NCKAP5: variants seen among roughly 807,000 people sequenced by gnomAD.
The protein encoded by NCKAP5 is NCK associated protein 5.
Under a neutral mutation model 167.0 loss-of-function variants are expected in NCKAP5, and 92 were observed. That is an observed-to-expected ratio of 0.55 (90% CI 0.47 to 0.66). NCKAP5 has a LOEUF of 0.66. Among genes scored for constraint, NCKAP5 ranks in the 30% least tolerant of loss-of-function variants. The probability of loss-of-function intolerance (pLI) is 0.00; values close to 1 mark genes in which losing one functional copy is unlikely to be tolerated. For synonymous variants in NCKAP5, 891 were observed against 877.4 expected, an observed-to-expected ratio of 1.02 and a Z score of -0.27; for missense variants, 2,378 against 2,315.0, an observed-to-expected ratio of 1.03 and a Z score of -0.56.
At chr2:133,633,604 A>G in the NCKAP5 span, among the ~76,000 whole-genome samples, 5 of 152,330 alleles carry the variant, frequency 3.3e-5, no homozygotes, top group South Asian at 1.0e-3. Context: ...TGAAGCGGTT[A>G]ACAAATGCCA....
At chr2:132,775,512 G>T (rs1682471475) in intron 15 of NCKAP5, among the ~76,000 whole-genome samples, 2 of 152,170 alleles carry the variant, frequency 1.3e-5, no homozygotes, top group African/African-American at 4.8e-5. Context: ...GCATTTCCCT[G>T]TTTGTTAGCA....
chr2:133,288,267 A>C (rs1420630581), intron 4 of NCKAP5, among the ~76,000 whole-genome samples: 1 of 152,186 alleles, frequency 6.6e-6, no homozygotes, highest in Admixed American at 6.5e-5. Flanking sequence ...AAGGTCCTAA[A>C]TGTGTACATC....
At chr2:133,140,115 T>G (rs2082942584) in intron 5 of NCKAP5, among the ~76,000 whole-genome samples, 1 of 152,216 alleles carries the variant, frequency 6.6e-6, no homozygotes, top group South Asian at 2.1e-4. Context: ...TCATGTTAAT[T>G]GATCACAATT....
intron 5 of NCKAP5, among the ~76,000 whole-genome samples, chr2:133,195,606 T>G (rs1377148376): frequency 6.6e-6 from 1 of 152,144 alleles, no homozygotes; most frequent in Non-Finnish European, 1.5e-5. Flanking sequence ...TTAACTAGTG[T>G]AGAAATCAAG....
intron 16 of NCKAP5, among the ~76,000 whole-genome samples, chr2:132,764,391 T>A (rs1681270876): frequency 6.6e-6 from 1 of 152,256 alleles, no homozygotes; most frequent in Non-Finnish European, 1.5e-5. Context: ...ACATTTCAGG[T>A]TGCCTTTGCT....
chr2:132,947,176 G>A (rs975088320), intron 8 of NCKAP5, among the ~76,000 whole-genome samples: 3 of 151,972 alleles, frequency 2.0e-5, no homozygotes, highest in East Asian at 1.9e-4. Context: ...TCAAATAGGA[G>A]GACTATAAGA....
chr2:132,869,600 G>A (rs1400955696), intron 9 of NCKAP5, among the ~76,000 whole-genome samples: 1 of 152,112 alleles, frequency 6.6e-6, no homozygotes, highest in Non-Finnish European at 1.5e-5. Flanking sequence ...TTGGGGCTGG[G>A]CACATTCAAC....
intron 7 of NCKAP5, among the ~76,000 whole-genome samples, chr2:132,990,526 T>C (rs1197277718): frequency 1.3e-5 from 2 of 152,232 alleles, no homozygotes; most frequent in Non-Finnish European, 2.9e-5. Flanking sequence ...TACCTTATTT[T>C]GCAAAAGGGA....
At chr2:133,070,442 C>T (rs2149549488) in intron 6 of NCKAP5, among the ~76,000 whole-genome samples, 1 of 152,234 alleles carries the variant, frequency 6.6e-6, no homozygotes, top group African/African-American at 2.4e-5. Context: ...GTCAATCTCT[C>T]TGTACTCAAG....
chr2:133,069,559 C>G (rs2080317109), intron 6 of NCKAP5, among the ~76,000 whole-genome samples: 1 of 152,148 alleles, frequency 6.6e-6, no homozygotes, highest in Admixed American at 6.5e-5. Context: ...TTACCCATCC[C>G]CAGTATAGAC....
intron 8 of NCKAP5, among the ~76,000 whole-genome samples, chr2:132,944,062 T>G (rs971940111): frequency 6.6e-6 from 1 of 152,142 alleles, no homozygotes; most frequent in Non-Finnish European, 1.5e-5. Flanking sequence ...TATGGAGAAA[T>G]GAGGTCATTC....
At chr2:133,492,237 G>T in intron 3 of NCKAP5, among the ~76,000 whole-genome samples, 1 of 151,654 alleles carries the variant, frequency 6.6e-6, no homozygotes, top group South Asian at 2.1e-4. Flanking sequence ...AGAAAGATTT[G>T]CCCCACCCAC....
At chr2:133,418,301 T>G (rs1021279614) in intron 3 of NCKAP5, among the ~76,000 whole-genome samples, 4 of 152,204 alleles carry the variant, frequency 2.6e-5, no homozygotes, top group Admixed American at 1.3e-4. Context: ...ACTCTGAGAC[T>G]TCCAACAAGC....
chr2:133,294,860 T>G (rs1679849073), intron 4 of NCKAP5, among the ~76,000 whole-genome samples: 1 of 152,148 alleles, frequency 6.6e-6, no homozygotes, highest in South Asian at 2.1e-4. Context: ...GTAATTATCT[T>G]TTTTTTGCTA....
At chr2:133,195,298 A>G (rs1481490333) in intron 5 of NCKAP5, among the ~76,000 whole-genome samples, 1 of 152,170 alleles carries the variant, frequency 6.6e-6, no homozygotes. Context: ...AGAATATATG[A>G]TTATTAGGTG....
At chr2:133,190,370 A>G (rs1322612410) in intron 5 of NCKAP5, among the ~76,000 whole-genome samples, 3 of 152,204 alleles carry the variant, frequency 2.0e-5, no homozygotes, top group African/African-American at 7.2e-5. Flanking sequence ...TATGTATTCA[A>G]TGCCATCCCC....
At chr2:133,326,720 C>A (rs1227998325) in intron 3 of NCKAP5, among the ~76,000 whole-genome samples, 3 of 152,180 alleles carry the variant, frequency 2.0e-5, no homozygotes, top group Non-Finnish European at 4.4e-5. Context: ...TGACCTGTTA[C>A]AGCTTTGACG....
chr2:132,873,356 G>T (rs547977478), intron 9 of NCKAP5, among the ~76,000 whole-genome samples: 1 of 152,062 alleles, frequency 6.6e-6, no homozygotes, highest in Non-Finnish European at 1.5e-5. Context: ...CTCATGATCC[G>T]CCCGCCTCGG....
chr2:133,064,493 G>GA (rs536969141), intron 6 of NCKAP5, among the ~76,000 whole-genome samples: 8,768 of 144,772 alleles, frequency 0.061, 782 homozygotes, highest in African/African-American at 0.2. Context: ...TTATACAACT[G>GA]AAAAAAAAAA....
Sources: allele counts gnomAD v4.1 joint callset (sites outside exome capture counted in the v4.1 genomes callset), GRCh38; gene constraint gnomAD v4.1.1; transcripts MANE v1.5; gene names NCBI Gene and HGNC (gene_info 2026-07-23, HGNC 2026-07-21).